MTRR: variants seen among roughly 807,000 people sequenced by gnomAD.
MTRR encodes the protein methionine synthase reductase.
In MTRR, 63 loss-of-function variants were observed where a neutral mutation model predicts 79.2. The observed-to-expected ratio is 0.80, with a 90% CI of 0.65 to 0.98. MTRR has a LOEUF of 0.98. Ranked by LOEUF, MTRR falls within the 50% of genes least tolerant of loss-of-function variation. The probability of loss-of-function intolerance (pLI) is 0.00; values close to 1 mark genes in which losing one functional copy is unlikely to be tolerated. For missense variants in MTRR, 895 were observed against 839.6 expected (o/e 1.07, Z -0.82); for synonymous variants, 355 against 313.3 (o/e 1.13, Z -1.41).
In MTRR at chr5:7,878,230, CG is replaced by C. The variant is rs1561187097; in HGVS notation, c.689del (p.Arg230LeufsTer11). The stretch of plus-strand genomic sequence containing the variant: ...TGAAGACTTTGAGTCCTCACTTACC[CG>C]TTCGGTACCCCCACTCTCACAAGCC... The part of the protein sequence containing the change: ...VIEDFESSLT[R>X]SVPPLSQASL... On this transcript the variant is annotated frameshift_variant, in exon 5 of 15. Transcript: ENST00000440940. LOFTEE classifies it high-confidence loss of function. The C allele has an allele frequency of 6.2e-7, 1 of 1,614,130 alleles. No homozygotes were observed. The highest frequency in any genetic ancestry group is 1.7e-5 in the Admixed American group (1 of 60,018).
chr5:7,871,283 C>A (rs1159663621), intron 2 of MTRR, among the ~76,000 whole-genome samples: 1 of 152,090 alleles, frequency 6.6e-6, no homozygotes, highest in African/African-American at 2.4e-5. Flanking sequence ...ACTTTTTTCC[C>A]CAAAAGAAAG....
intron 4 of MTRR, among the ~76,000 whole-genome samples, chr5:7,876,751 C>A (rs1734620569): frequency 6.6e-6 from 1 of 152,144 alleles, no homozygotes; most frequent in Middle Eastern, 3.2e-3. Context: ...TGCCTCTGTG[C>A]AATAGATAAC....
At chr5:7,889,419 A>G in intron 9 of MTRR, 144 bp downstream of exon 9, 1 of 860,728 alleles carries the variant, frequency 1.2e-6, no homozygotes, top group South Asian at 1.5e-5. Context: ...AATGGTGGTG[A>G]TTGGTAAGTA....
chr5:7,856,448 T>G (rs899033420), intron 1 of MTRR, among the ~76,000 whole-genome samples: 1 of 152,190 alleles, frequency 6.6e-6, no homozygotes, highest in African/African-American at 2.4e-5. Flanking sequence ...GACCATTCCT[T>G]ACATGACCCT....
chr5:7,859,048 A>G (rs1191434004), intron 1 of MTRR: 1 of 153,266 alleles, frequency 6.5e-6, no homozygotes, highest in Non-Finnish European at 1.5e-5. Flanking sequence ...CTTACGGTAA[A>G]TCTCACTTCC....
At chr5:7,892,582 T>A in intron 10 of MTRR, 145 bp from the exon 11 acceptor site, 3 of 883,560 alleles carry the variant, frequency 3.4e-6, no homozygotes, top group Non-Finnish European at 5.5e-6. Context: ...TTTAATTACG[T>A]AATAATGGCT....
intron 5 of MTRR, among the ~76,000 whole-genome samples, chr5:7,881,899 AC>A (rs1735658694): frequency 6.6e-6 from 1 of 151,838 alleles, no homozygotes; most frequent in South Asian, 2.1e-4. Flanking sequence ...CCTGCTACTT[AC>A]GGTTGCATTG....
At chr5:7,877,177 T>C (rs1444721831) in intron 4 of MTRR, among the ~76,000 whole-genome samples, 2 of 152,188 alleles carry the variant, frequency 1.3e-5, no homozygotes, top group African/African-American at 4.8e-5. Context: ...AAAGTGGTGT[T>C]ATTTCCACAG....
chr5:7,873,455 A>G lies in MTRR; in HGVS notation c.212A>G (p.Lys71Arg), dbSNP rs759256334. The G allele has an allele frequency of 1.2e-6, 2 of 1,614,110 alleles. No individual in the cohort carries two copies. Among genetic ancestry groups the G allele is most frequent in the Admixed American group, 1.7e-5 (1 of 60,028 alleles). ...GGAGACCCACCCGACACAGCCCGCA[A>G]GTTTGTTAAGGAAATACAGAACCAA... The part of the protein sequence containing the change: ...GTGDPPDTAR[K>R]FVKEIQNQTL... Residue 71 changes from lysine to arginine, a missense_variant, in exon 3 of 15, where the codon AAG becomes AGG. Coordinates refer to ENST00000440940, the MANE Select transcript of MTRR (RefSeq NM_002454.3).
chr5:7,864,484 A>G (rs552182447), upstream of MTRR, among the ~76,000 whole-genome samples: 1 of 152,332 alleles, frequency 6.6e-6, no homozygotes, highest in East Asian at 1.9e-4. Flanking sequence ...AAGTAATAAA[A>G]GAGTACAAAT....
upstream of MTRR, chr5:7,866,502 C>A: frequency 1.5e-6 from 1 of 658,762 alleles, no homozygotes; most frequent in South Asian, 2.0e-5. Flanking sequence ...GTGTTTATGC[C>A]AGCATCTGTT....
At chr5:7,877,858 A>C (rs1447188536) in intron 4 of MTRR, 86 bp from the exon 5 acceptor site, 1 of 1,580,756 alleles carries the variant, frequency 6.3e-7, no homozygotes, top group Non-Finnish European at 8.6e-7. Context: ...TACTTTGCCA[A>C]ATGGACAGAC....
At position 7,862,859 on chromosome 5, in the gene MTRR, C is replaced by T. The variant is rs764779417; in HGVS notation, n.498+802C>T. The T allele has an allele frequency of 1.9e-6, 3 of 1,613,720 alleles. No homozygotes were observed. In the South Asian group the frequency reaches 3.3e-5, roughly 18 times the overall value. ...CAATAGGGTGTCAACACTTTTGGAG[C>T]AAAATATAATCTTGCTCCTAAAAGG... On this transcript the variant is annotated intron_variant and non_coding_transcript_variant, in intron 2 of 3. Coordinates refer to the MTRR transcript ENST00000502509.
intron 8 of MTRR, among the ~76,000 whole-genome samples, chr5:7,887,001 C>T (rs1463047677): frequency 2.0e-5 from 3 of 152,130 alleles, no homozygotes; most frequent in Non-Finnish European, 2.9e-5. Flanking sequence ...TTATTAACTA[C>T]GTAGCACATT....
At chr5:7,853,774 T>C (rs1325694371) in intron 1 of MTRR, among the ~76,000 whole-genome samples, 3 of 152,202 alleles carry the variant, frequency 2.0e-5, no homozygotes, top group Non-Finnish European at 4.4e-5. Flanking sequence ...CCTGAACTTG[T>C]ACGACCACTG....
At chr5:7,866,889 G>A (rs148214151), upstream of MTRR, 6 of 1,613,914 alleles carry the variant, frequency 3.7e-6, no homozygotes, top group African/African-American at 8.0e-5. Context: ...TTTTCTGTTT[G>A]GCAAACAAAA....
chr5:7,868,657 G>T (rs999720474), upstream of MTRR, among the ~76,000 whole-genome samples: 1 of 152,146 alleles, frequency 6.6e-6, no homozygotes, highest in South Asian at 2.1e-4. Context: ...GAAGGAAAGG[G>T]TCTACTTTGT....
At chr5:7,899,558 G>A (rs1739136700) in intron 14 of MTRR, among the ~76,000 whole-genome samples, 1 of 152,208 alleles carries the variant, frequency 6.6e-6, no homozygotes, top group Admixed American at 6.5e-5. Context: ...TCTACTGTGT[G>A]CTTTGAGAGT....
At chr5:7,886,560 A>G (rs1736464343) in intron 7 of MTRR, 55 bp from the exon 8 acceptor site, 3 of 1,347,758 alleles carry the variant, frequency 2.2e-6, no homozygotes, top group Non-Finnish European at 3.2e-6. Flanking sequence ...TGTGTAAAAC[A>G]TTTTATTCTT....
Sources: gnomAD v4.1 joint callset for allele counts (sites outside exome capture counted in the v4.1 genomes callset) on GRCh38, gnomAD v4.1.1 for gene constraint, MANE v1.5 for transcripts, NCBI Gene and HGNC (gene_info 2026-07-23, HGNC 2026-07-21) for gene names.